The following SLIT3 variants were observed in gnomAD, a reference collection of about 807,000 sequenced individuals.
The protein encoded by SLIT3 is slit homolog 3 protein.
SLIT3 carries 68 observed loss-of-function variants against 184.0 expected under a neutral mutation model. The observed-to-expected ratio is 0.37, with a 90% CI of 0.30 to 0.45. The LOEUF is 0.45. Among genes scored for constraint, SLIT3 ranks in the 20% least tolerant of loss-of-function variants. SLIT3 has a pLI of 1.00. For synonymous variants in SLIT3, 831 were observed against 828.6 expected (o/e 1.00, Z -0.05); for missense variants, 1,707 against 2,026.0 (o/e 0.84, Z 3.02).
intron 4 of SLIT3, among the ~76,000 whole-genome samples, chr5:169,000,668 T>G (rs1270000795): frequency 6.6e-6 from 1 of 152,164 alleles, no homozygotes; most frequent in Non-Finnish European, 1.5e-5. Context: ...GTGATAGATC[T>G]GGTCAGTATC....
chr5:168,696,548 G>C lies in SLIT3; in HGVS notation c.2943-117C>G, dbSNP rs559425092. The C allele has an allele frequency of 1.7e-5, 22 of 1,259,140 alleles. No homozygotes were observed. The African/African-American group carries it at 2.9e-4, about 17-fold the overall frequency. The allele number at this position is 1,259,140 out of a possible 1,614,324, so 78.0% of individuals were successfully genotyped here. On this transcript the variant is annotated intron_variant, in intron 27 of 35. Coordinates refer to ENST00000519560, the MANE Select transcript of SLIT3 (RefSeq NM_003062.4). ...ACAATTAGTTTTTCCTCCAGATGGA[G>C]GTCTGAGAAAGCACTTTGGACACAT...
At chr5:168,888,107 G>T (rs1760291920) in intron 4 of SLIT3, among the ~76,000 whole-genome samples, 1 of 152,194 alleles carries the variant, frequency 6.6e-6, no homozygotes, top group Admixed American at 6.5e-5. Flanking sequence ...GGACACGGGG[G>T]TTAAGTGATT....
In SLIT3 at chr5:169,082,346, A is replaced by G. The variant is rs557199871; in HGVS notation, c.413+111133T>C. Among the ~76,000 whole-genome samples the G allele has an allele frequency of 2.0e-5, 3 of 152,348 alleles. No homozygotes were observed. In the South Asian group the frequency reaches 6.2e-4, roughly 32 times the overall value. The stretch of plus-strand genomic sequence containing the variant: ...TTTTAACCTACAGAGTTTCCTGTTT[A>G]AGTTGCTGGCCAAAGGCCCAGTTAC... On this transcript the variant is annotated intron_variant, in intron 4 of 35. Coordinates refer to ENST00000519560, the MANE Select transcript of SLIT3 (RefSeq NM_003062.4).
intron 20 of SLIT3, among the ~76,000 whole-genome samples, chr5:168,738,006 A>G (rs17553274): frequency 0.19 from 28,925 of 152,060 alleles, 2,949 homozygotes; most frequent in Non-Finnish European, 0.22. Flanking sequence ...AGATTCTGTA[A>G]GCTTGCCTTT....
chr5:168,945,153 T>C (rs1479740740), intron 4 of SLIT3, among the ~76,000 whole-genome samples: 1 of 152,102 alleles, frequency 6.6e-6, no homozygotes, highest in African/African-American at 2.4e-5. Flanking sequence ...ACTGATAACA[T>C]ATCAGGGAGT....
chr5:169,076,839 G>A (rs1479910093), intron 4 of SLIT3, among the ~76,000 whole-genome samples: 1 of 152,106 alleles, frequency 6.6e-6, no homozygotes, highest in Non-Finnish European at 1.5e-5. Context: ...TCAATCAAGT[G>A]CTACTCAGTT....
intron 4 of SLIT3, among the ~76,000 whole-genome samples, chr5:169,077,085 CA>C (rs1758773316): frequency 6.6e-6 from 1 of 152,162 alleles, no homozygotes; most frequent in Admixed American, 6.5e-5. Flanking sequence ...ACAGCAAGAA[CA>C]AACTCTCCTC....
At chr5:169,169,785 G>A (rs1762759635) in intron 4 of SLIT3, among the ~76,000 whole-genome samples, 1 of 152,250 alleles carries the variant, frequency 6.6e-6, no homozygotes, top group South Asian at 2.1e-4. Context: ...TGACTGAGGA[G>A]ATGAAATGAG....
intron 5 of SLIT3, among the ~76,000 whole-genome samples, chr5:168,852,470 C>T (rs930065256): frequency 2.0e-5 from 3 of 152,162 alleles, no homozygotes; most frequent in African/African-American, 7.2e-5. Flanking sequence ...AGGTCAGTGC[C>T]CAGGTGAGAT....
chr5:169,076,874 C>G (rs1379145411), intron 4 of SLIT3, among the ~76,000 whole-genome samples: 1 of 152,102 alleles, frequency 6.6e-6, no homozygotes, highest in Non-Finnish European at 1.5e-5. Flanking sequence ...CAACTAAGTA[C>G]TTAGGATATA....
At chr5:169,186,870 TACCATG>T (rs1763360179) in intron 4 of SLIT3, among the ~76,000 whole-genome samples, 3 of 7,974 alleles carry the variant, frequency 3.8e-4, no homozygotes, top group African/African-American at 3.0e-3. Context: ...TCCACCATGA[TACCATG>T]ATAACAGCGC....
chr5:168,805,075 A>G (rs931861727), intron 9 of SLIT3, among the ~76,000 whole-genome samples: 1 of 152,180 alleles, frequency 6.6e-6, no homozygotes, highest in African/African-American at 2.4e-5. Context: ...ACCTTCTGAC[A>G]TGTTATCTAA....
chr5:169,153,130 G>C (rs1762178165), intron 4 of SLIT3, among the ~76,000 whole-genome samples: 1 of 152,210 alleles, frequency 6.6e-6, no homozygotes, highest in South Asian at 2.1e-4. Flanking sequence ...CGTGGGCCAG[G>C]TTCAGAATGC....
At chr5:168,898,555 G>A (rs1760764684) in intron 4 of SLIT3, among the ~76,000 whole-genome samples, 1 of 152,130 alleles carries the variant, frequency 6.6e-6, no homozygotes. Context: ...CAATGAATAT[G>A]TTTTATAGTT....
chr5:169,001,093 C>A (rs546451126), intron 4 of SLIT3, among the ~76,000 whole-genome samples: 1 of 152,232 alleles, frequency 6.6e-6, no homozygotes, highest in Non-Finnish European at 1.5e-5. Context: ...ATCCATAGTA[C>A]TTTTCACATT....
intron 4 of SLIT3, among the ~76,000 whole-genome samples, chr5:168,934,460 G>A (rs1024679448): frequency 5.3e-5 from 8 of 152,204 alleles, no homozygotes. Context: ...GATAATTATT[G>A]ACTGTATTGT....
At chr5:169,174,417 T>C (rs2113424690) in intron 4 of SLIT3, among the ~76,000 whole-genome samples, 1 of 152,280 alleles carries the variant, frequency 6.6e-6, no homozygotes, top group African/African-American at 2.4e-5. Flanking sequence ...GAAGAGAGCA[T>C]CTCTCCTTCT....
chr5:169,089,019 CAAAAAAAAAAAAAAAAA>C (rs570118972), intron 4 of SLIT3, among the ~76,000 whole-genome samples: 405 of 25,566 alleles, frequency 0.016, 2 homozygotes, highest in African/African-American at 0.041. Context: ...GACTCCATCT[CAAAAAAAAAAAAAAAAA>C]AAAAAAAAAA....
At chr5:169,216,231 A>G (rs948591316) in intron 3 of SLIT3, among the ~76,000 whole-genome samples, 6 of 152,300 alleles carry the variant, frequency 3.9e-5, no homozygotes, top group African/African-American at 1.4e-4. Context: ...TGGCTAGTGC[A>G]GATCACCTGC....
Sources: allele counts gnomAD v4.1 joint callset (sites outside exome capture counted in the v4.1 genomes callset), GRCh38; gene constraint gnomAD v4.1.1; transcripts MANE v1.5; gene names NCBI Gene and HGNC (gene_info 2026-07-23, HGNC 2026-07-21).